The following CCDC178 variants were observed in gnomAD, a reference collection of about 807,000 sequenced individuals.
CCDC178 encodes the protein coiled-coil domain containing 178.
A neutral mutation model predicts 117.4 loss-of-function variants in CCDC178; 126 were observed. The ratio of observed to expected loss-of-function variants is 1.07; its 90% CI spans 0.93 to 1.24. The LOEUF (loss-of-function observed/expected upper bound fraction) is 1.24, where lower values mean the gene tolerates loss of function less well. Among genes scored for constraint, CCDC178 ranks in the 50% most tolerant of loss-of-function variants. CCDC178 has a pLI of 0.00. For synonymous variants in CCDC178, 283 were observed against 313.4 expected (o/e 0.90, Z 1.02); for missense variants, 1,030 against 986.9 (o/e 1.04, Z -0.59).
Position 33,092,810 on chromosome 18 carries a change from A to G in CCDC178, c.2339T>C (p.Ile780Thr), listed in dbSNP as rs763331926. 8.4e-6 allele frequency: 13 copies of G among 1,552,914 alleles called. No homozygotes were observed. In the South Asian group the frequency reaches 1.3e-4, roughly 15 times the overall value. Residue 780 changes from isoleucine to threonine, a missense_variant, in exon 21 of 23, where the codon ATA becomes ACA. Transcript: ENST00000383096. ...ATCAAGTGATAGCTGTTTATCATAT[A>G]TATTGAAATAATTGTCCTTTTCTTT... The part of the protein sequence containing the change: ...FLKEKDNYFN[I>T]YDKQLSLDTS...
chr18:33,304,000 A>G (rs912059191), intron 11 of CCDC178, among the ~76,000 whole-genome samples: 1 of 152,162 alleles, frequency 6.6e-6, no homozygotes, highest in Non-Finnish European at 1.5e-5. Flanking sequence ...TCCCAGAAGC[A>G]TGCCTGCCTT....
chr18:33,054,004 A>G (rs1025493441), intron 21 of CCDC178, among the ~76,000 whole-genome samples: 1 of 152,172 alleles, frequency 6.6e-6, no homozygotes, highest in Non-Finnish European at 1.5e-5. Flanking sequence ...AACTTAAAAC[A>G]TCATACCAGA....
At chr18:33,204,581 G>C (rs535647234) in intron 20 of CCDC178, among the ~76,000 whole-genome samples, 1 of 152,216 alleles carries the variant, frequency 6.6e-6, no homozygotes, top group East Asian at 1.9e-4. Flanking sequence ...GACTGAGATT[G>C]TGACATTAAA....
intron 3 of CCDC178, among the ~76,000 whole-genome samples, chr18:33,401,208 T>C (rs1387277416): frequency 1.3e-5 from 2 of 152,206 alleles, no homozygotes; most frequent in African/African-American, 2.4e-5. Context: ...TTTTGAAATA[T>C]TGCAGGAAGT....
intron 14 of CCDC178, among the ~76,000 whole-genome samples, chr18:33,250,771 C>G (rs2059611504): frequency 6.6e-6 from 1 of 151,292 alleles, no homozygotes; most frequent in Non-Finnish European, 1.5e-5. Context: ...ATTTCAGTAC[C>G]AAAACCCAAC....
chr18:33,136,839 A>G (rs1436165268), intron 20 of CCDC178, among the ~76,000 whole-genome samples: 1 of 152,164 alleles, frequency 6.6e-6, no homozygotes, highest in East Asian at 1.9e-4. Context: ...GAGGCCAGTG[A>G]AAAAATGGAA....
At chr18:33,369,048 C>G (rs2063260138) in intron 6 of CCDC178, among the ~76,000 whole-genome samples, 1 of 151,754 alleles carries the variant, frequency 6.6e-6, no homozygotes, top group African/African-American at 2.4e-5. Flanking sequence ...ATTTCCTTGC[C>G]ATAGTCTTCA....
At chr18:33,220,063 A>C (rs969708928) in intron 18 of CCDC178, among the ~76,000 whole-genome samples, 6 of 152,082 alleles carry the variant, frequency 3.9e-5, no homozygotes, top group African/African-American at 1.4e-4. Flanking sequence ...CCAGTCACAC[A>C]TCCATTTGTT....
At chr18:33,082,251 G>A (rs1472922913) in intron 21 of CCDC178, among the ~76,000 whole-genome samples, 1 of 152,124 alleles carries the variant, frequency 6.6e-6, no homozygotes, top group East Asian at 1.9e-4. Context: ...CAGGCAGATC[G>A]CTTGAGCTCA....
At chr18:33,070,527 G>T (rs922288989) in intron 21 of CCDC178, among the ~76,000 whole-genome samples, 1 of 151,770 alleles carries the variant, frequency 6.6e-6, no homozygotes, top group African/African-American at 2.4e-5. Flanking sequence ...GGGTGAAGGT[G>T]TAGGGTTACA....
At chr18:33,162,131 A>G (rs1305350905) in intron 20 of CCDC178, among the ~76,000 whole-genome samples, 1 of 152,126 alleles carries the variant, frequency 6.6e-6, no homozygotes, top group African/African-American at 2.4e-5. Context: ...GAACTGAACA[A>G]TGAGAACACA....
At chr18:33,279,285 A>C (rs921344482) in intron 12 of CCDC178, among the ~76,000 whole-genome samples, 137 of 152,156 alleles carry the variant, frequency 9.0e-4, no homozygotes, top group Non-Finnish European at 1.7e-3. Context: ...ATGTACAAAA[A>C]TCACAAGCAT....
At chr18:33,183,048 T>C (rs1040533541) in intron 20 of CCDC178, among the ~76,000 whole-genome samples, 1 of 152,066 alleles carries the variant, frequency 6.6e-6, no homozygotes, top group Admixed American at 6.6e-5. Context: ...GTTACTTTAT[T>C]TTTCTATCTT....
At chr18:33,180,005 C>A (rs1055546934) in intron 20 of CCDC178, among the ~76,000 whole-genome samples, 1 of 151,728 alleles carries the variant, frequency 6.6e-6, no homozygotes, top group African/African-American at 2.4e-5. Context: ...AATTATGGGA[C>A]TTAGACATTT....
At chr18:33,138,091 G>C (rs1262524495) in intron 20 of CCDC178, among the ~76,000 whole-genome samples, 1 of 152,176 alleles carries the variant, frequency 6.6e-6, no homozygotes, top group Non-Finnish European at 1.5e-5. Context: ...AAATTTATGT[G>C]AAAGGTATAA....
In CCDC178 at chr18:33,221,921, T is replaced by C. The variant is rs866996327; in HGVS notation, c.1932+1185A>G. ...TTGGCTTAAAATTTAAAGAATTATG[T>C]ATATGATTTTAAGTTATCTTTTGGA... is the stretch of plus-strand genomic sequence containing the variant. On this transcript the variant is annotated intron_variant, in intron 18 of 22. Transcript: ENST00000383096. 6.8e-4 allele frequency among the ~76,000 whole-genome samples: 103 copies of C among 152,202 alleles called. 1 individual carries two copies. Among genetic ancestry groups the C allele is most frequent in the African/African-American group, 2.2e-3 (91 of 41,576 alleles).
chr18:33,212,091 T>G (rs755766488), intron 19 of CCDC178, 36 bp from the exon 20 acceptor site: 18 of 1,459,940 alleles, frequency 1.2e-5, no homozygotes, highest in Non-Finnish European at 1.6e-5. Flanking sequence ...ACTAATCAAT[T>G]CACATTTTAT....
At chr18:33,118,268 G>C (rs1276332272) in intron 20 of CCDC178, among the ~76,000 whole-genome samples, 1 of 151,924 alleles carries the variant, frequency 6.6e-6, no homozygotes, top group Non-Finnish European at 1.5e-5. Context: ...CTCTAGACAG[G>C]GGACAGAGCT....
rs150159104 is a variant in CCDC178, at chr18:33,247,075, C to CGTGT, written c.1410-1651_1410-1648dup. Among the ~76,000 whole-genome samples, 1,471 of 147,694 alleles carry CGTGT rather than the reference C, an allele frequency of 1.0e-2. 9 individuals carry two copies. Among genetic ancestry groups the CGTGT allele is most frequent in the South Asian group, 0.015 (71 of 4,652 alleles). ...TATGTGTATATATGTAAGTGTGTTA[C>CGTGT]GTGTGTGTGTGTGTGTGTGAGAGAG... On this transcript the variant is annotated intron_variant, in intron 14 of 22. Coordinates refer to ENST00000383096, the MANE Select transcript of CCDC178 (RefSeq NM_001105528.4).
Sources: gnomAD v4.1 joint callset for allele counts (sites outside exome capture counted in the v4.1 genomes callset) on GRCh38, gnomAD v4.1.1 for gene constraint, MANE v1.5 for transcripts, NCBI Gene and HGNC (gene_info 2026-07-23, HGNC 2026-07-21) for gene names.